The following NFIX variants were observed in gnomAD, a reference collection of about 807,000 sequenced individuals.
NFIX encodes nuclear factor 1 X-type.
In NFIX, 2 loss-of-function variants were observed where a neutral mutation model predicts 53.3. The ratio of observed to expected loss-of-function variants is 0.04; its 90% confidence interval spans 0.02 to 0.12. The LOEUF is 0.12. Among genes scored for constraint, NFIX ranks in the 10% least tolerant of loss-of-function variants. NFIX has a pLI of 1.00. For missense variants in NFIX, 310 were observed against 674.5 expected, an observed-to-expected ratio of 0.46 and a Z score of 5.99; for synonymous variants, 244 against 289.0, an observed-to-expected ratio of 0.84 and a Z score of 1.58.
At chr19:13,084,164 G>A (rs1307178966) in intron 8 of NFIX, among the ~76,000 whole-genome samples, 2 of 151,192 alleles carry the variant, frequency 1.3e-5, no homozygotes, top group Non-Finnish European at 3.0e-5. Flanking sequence ...ATTTTAGGCT[G>A]GGCGTGGTGG....
chr19:13,015,400 C>G (rs1330660398), intron 1 of NFIX, among the ~76,000 whole-genome samples: 2 of 152,148 alleles, frequency 1.3e-5, no homozygotes. Context: ...GCAGCCCCGC[C>G]CCAGGACCCT....
intron 1 of NFIX, among the ~76,000 whole-genome samples, chr19:12,999,869 T>A (rs2011614084): frequency 6.6e-6 from 1 of 152,260 alleles, no homozygotes; most frequent in Non-Finnish European, 1.5e-5. Flanking sequence ...TTCATGGCAC[T>A]TGGCATTTTC....
intron 1 of NFIX, 144 bp from the exon 2 acceptor site, chr19:13,024,877 G>A: frequency 5.3e-6 from 7 of 1,317,170 alleles, no homozygotes; most frequent in Non-Finnish European, 7.3e-6. Flanking sequence ...AAAATTGTTG[G>A]GGGGAGGGAG....
At chr19:13,031,032 G>T (rs1599749691) in intron 2 of NFIX, among the ~76,000 whole-genome samples, 1 of 152,238 alleles carries the variant, frequency 6.6e-6, no homozygotes, top group African/African-American at 2.4e-5. Flanking sequence ...ATGGGGCTCA[G>T]GCTGGCCTCA....
At chr19:13,039,341 C>T (rs1022792073) in intron 2 of NFIX, among the ~76,000 whole-genome samples, 2 of 152,006 alleles carry the variant, frequency 1.3e-5, no homozygotes, top group Non-Finnish European at 2.9e-5. Context: ...GGTACTGAAG[C>T]CACTGTCTAA....
At position 13,013,760 on chromosome 19, in the gene NFIX, C is replaced by T. The variant is rs1230127880; in HGVS notation, c.28-11261C>T. On this transcript the variant is annotated intron_variant, in intron 1 of 10. Coordinates refer to ENST00000592199, the MANE Select transcript of NFIX (RefSeq NM_001365902.3). The surrounding 1 kb of genome is among the most constrained non-coding windows in gnomAD (Gnocchi z 5.9). ...GCTGTTAAAAAAAGAAAAATACGTG[C>T]CGGTGACGCTTCGTGGAGCTGGCGA... is the stretch of plus-strand genomic sequence containing the variant. 1.3e-5 allele frequency: 2 copies of T among 152,126 alleles called. No individual in the cohort carries two copies. The highest frequency in any genetic ancestry group is 4.1e-4 in the South Asian group (2 of 4,832). The allele number at this position is 152,126 out of a possible 1,614,324, so 9.4% of individuals were successfully genotyped here. A position where few individuals can be genotyped will look rare whatever the true frequency, so the allele number is the denominator to read the frequency against.
intron 2 of NFIX, among the ~76,000 whole-genome samples, chr19:13,026,019 G>C (rs1486622917): frequency 6.6e-6 from 1 of 152,194 alleles, no homozygotes. Flanking sequence ...GTACAAGCGG[G>C]ATGGGCAGGA....
In NFIX at chr19:13,045,865, G is replaced by A. The variant is rs1599778925; in HGVS notation, c.559+20313G>A. 1.3e-5 allele frequency among the ~76,000 whole-genome samples: 2 copies of A among 152,216 alleles called. No individual in the cohort carries two copies. The highest frequency in any genetic ancestry group is 1.5e-5 in the Non-Finnish European group (1 of 68,032). ...GCCGACTGAGGCACCTGGGAGTGAG[G>A]GGCTTGGACATTCTTCCTCAGCTTG... On this transcript the variant is annotated intron_variant, in intron 2 of 10. Coordinates refer to ENST00000592199, the MANE Select transcript of NFIX (RefSeq NM_001365902.3). The surrounding 1 kb of genome is among the most constrained non-coding windows in gnomAD (Gnocchi z 4.4).
intron 1 of NFIX, among the ~76,000 whole-genome samples, chr19:13,020,752 G>A (rs1276709943): frequency 1.3e-5 from 2 of 152,028 alleles, no homozygotes; most frequent in Admixed American, 6.6e-5. Context: ...TGATCTCTCC[G>A]CCAGTCCGTG....
Position 13,074,040 on chromosome 19 carries a change from C to G in NFIX, c.818+14C>G, listed in dbSNP as rs1214567891. The G allele has an allele frequency of 6.2e-7, 1 of 1,613,540 alleles. No individual in the cohort carries two copies. Among genetic ancestry groups the G allele is most frequent in the Non-Finnish European group, 8.5e-7 (1 of 1,179,606 alleles). On this transcript the variant is annotated intron_variant, in intron 5 of 10. Coordinates refer to ENST00000592199, the MANE Select transcript of NFIX (RefSeq NM_001365902.3). ...TCCTTCCACCAGGTAAGCCCAGTGG[C>G]CCTGCCTTTCCATCTTCTCTCCACT...
intron 1 of NFIX, among the ~76,000 whole-genome samples, chr19:12,999,694 C>T (rs1452788896): frequency 6.6e-6 from 1 of 152,234 alleles, no homozygotes; most frequent in Non-Finnish European, 1.5e-5. Flanking sequence ...CGTTCCTGTA[C>T]TTCTGTATCT....
rs923667375 is a variant in NFIX at position 13,043,170 on chromosome 19, C to T, written c.559+17618C>T. Among the ~76,000 whole-genome samples the T allele has an allele frequency of 3.9e-5, 6 of 152,230 alleles. No homozygotes were observed. The highest frequency in any genetic ancestry group is 6.5e-5 in the Admixed American group (1 of 15,278). On this transcript the variant is annotated intron_variant, in intron 2 of 10. Transcript: ENST00000592199. This position sits in a 1 kb window ranked among gnomAD's most constrained non-coding sequence, Gnocchi z 4.0. ...ATTCCTTGATGGACACATGGTGTTA[C>T]CCAGTGTAAAAGCTAATCATGGACA... is the stretch of plus-strand genomic sequence containing the variant.
rs1258775254 is a variant in NFIX, at chr19:13,089,461, C to T, written c.1403-838C>T. Reference sequence around the variant, plus strand: ...CTTTGGGCCCCAGGATGGCTGCTCCCAGGCATCTGAGCCCTAGGGCTCTGC... The same window carrying T: ...CTTTGGGCCCCAGGATGGCTGCTCCTAGGCATCTGAGCCCTAGGGCTCTGC... On this transcript the variant is annotated intron_variant, in intron 9 of 10. Coordinates refer to ENST00000592199, the MANE Select transcript of NFIX (RefSeq NM_001365902.3). This position sits in a 1 kb window ranked among gnomAD's most constrained non-coding sequence, Gnocchi z 4.8. 2.0e-5 allele frequency among the ~76,000 whole-genome samples: 3 copies of T among 152,220 alleles called. No homozygotes were observed. The highest frequency in any genetic ancestry group is 7.2e-5 in the African/African-American group (3 of 41,454).
rs1468970574 is a variant in NFIX, at chr19:13,094,813, C to A, written c.*164C>A. On this transcript the variant is annotated 3_prime_UTR_variant, in exon 11 of 11. Transcript: ENST00000592199. This position sits in a 1 kb window ranked among gnomAD's most constrained non-coding sequence, Gnocchi z 4.3. ...GCCCTTCTCTCCTCCAGCCCGGGGACCCCCGCGGGCCCCAGAAGCAGCCCA... is the reference window on the plus strand; with the variant it reads ...GCCCTTCTCTCCTCCAGCCCGGGGAACCCCGCGGGCCCCAGAAGCAGCCCA... 4.4e-6 allele frequency: 3 copies of A among 684,572 alleles called. No individual in the cohort carries two copies. The highest frequency in any genetic ancestry group is 7.3e-6 in the Non-Finnish European group (3 of 410,556). The allele number at this position is 684,572 out of a possible 1,614,324, so 42.4% of individuals were successfully genotyped here.
rs1037728922 is a variant in NFIX at position 13,075,468 on chromosome 19, G to A, written c.819-67G>A. On this transcript the variant is annotated intron_variant, in intron 5 of 10. Transcript: ENST00000592199. ...CATCTATGCACAGTTCTTTAGCCTG[G>A]ACTCTTGGTCACTCCCTGGAGCCTC... is the stretch of plus-strand genomic sequence containing the variant. 3 of 1,568,140 alleles carry A rather than the reference G, an allele frequency of 1.9e-6. No homozygotes were observed. The East Asian group carries it at 6.9e-5, about 36-fold the overall frequency.
At chr19:13,080,506 T>C (rs1245819043) in intron 7 of NFIX, among the ~76,000 whole-genome samples, 1 of 152,216 alleles carries the variant, frequency 6.6e-6, no homozygotes, top group African/African-American at 2.4e-5. Context: ...ATTACAGGTA[T>C]GAGCCACAGC....
chr19:13,040,154 GA>G lies in NFIX; in HGVS notation c.559+14604del, dbSNP rs1357786128. Among the ~76,000 whole-genome samples the G allele has an allele frequency of 4.6e-5, 7 of 152,214 alleles. No homozygotes were observed. Among genetic ancestry groups the G allele is most frequent in the Non-Finnish European group, 1.5e-5 (1 of 68,022 alleles). On this transcript the variant is annotated intron_variant, in intron 2 of 10. Coordinates refer to ENST00000592199, the MANE Select transcript of NFIX (RefSeq NM_001365902.3). This position sits in a 1 kb window ranked among gnomAD's most constrained non-coding sequence, Gnocchi z 4.2. ...GTGAATGAGCTCTCAGGAAAATGGG[GA>G]AGGAGCAGCCTTCTTCTCAGCCCCT...
chr19:13,022,817 C>A lies in NFIX; in HGVS notation c.28-2204C>A, dbSNP rs2145181761. The stretch of plus-strand genomic sequence containing the variant: ...AATCCCAGTCCCCCCCAATGCCCCA[C>A]CCCACCCCCAGATTTGCTGGGTGGC... On this transcript the variant is annotated intron_variant, in intron 1 of 10. Transcript: ENST00000592199. This position sits in a 1 kb window ranked among gnomAD's most constrained non-coding sequence, Gnocchi z 4.5. 6.6e-6 allele frequency among the ~76,000 whole-genome samples: 1 copy of A among 152,052 alleles called. No individual in the cohort carries two copies. Among genetic ancestry groups the A allele is most frequent in the South Asian group, 2.1e-4 (1 of 4,822 alleles).
chr19:13,003,690 GCA>G (rs1174998165), intron 1 of NFIX, among the ~76,000 whole-genome samples: 92 of 152,054 alleles, frequency 6.1e-4, no homozygotes, highest in Non-Finnish European at 5.9e-5. Context: ...CCAGGCTGGA[GCA>G]CAGTGGTGCG....
Sources: allele counts gnomAD v4.1 joint callset (sites outside exome capture counted in the v4.1 genomes callset), GRCh38; gene constraint gnomAD v4.1.1; non-coding constraint Gnocchi (gnomAD v3.1); transcripts MANE v1.5; gene names NCBI Gene and HGNC (gene_info 2026-07-23, HGNC 2026-07-21).